TRIM33: variants seen among roughly 807,000 people sequenced by gnomAD.
The protein encoded by TRIM33 is E3 ubiquitin-protein ligase TRIM33.
TRIM33 carries 20 observed loss-of-function variants against 125.4 expected under a neutral mutation model. That is an observed-to-expected ratio of 0.16 (90% CI 0.11 to 0.23). The LOEUF (loss-of-function observed/expected upper bound fraction) is 0.23. Among genes scored for constraint, TRIM33 ranks in the 10% least tolerant of loss-of-function variants. The probability of loss-of-function intolerance (pLI) is 1.00; values close to 1 mark genes in which losing one functional copy is unlikely to be tolerated. For synonymous variants in TRIM33, 564 were observed against 513.9 expected (o/e 1.10, Z -1.32); for missense variants, 920 against 1,411.4 (o/e 0.65, Z 5.58).
At chr1:114,485,267 T>C (rs1004212876) in intron 1 of TRIM33, among the ~76,000 whole-genome samples, 7 of 151,452 alleles carry the variant, frequency 4.6e-5, no homozygotes, top group African/African-American at 1.2e-4. Context: ...GCGACTTTAA[T>C]TGAAGCCCCC....
At chr1:114,423,493 TTTAAAC>T (rs1446311343) in intron 10 of TRIM33, among the ~76,000 whole-genome samples, 1 of 152,098 alleles carries the variant, frequency 6.6e-6, no homozygotes. Flanking sequence ...TTTGAAACTA[TTTAAAC>T]TTAAACCTAT....
At chr1:114,494,097 A>G (rs543230995) in intron 1 of TRIM33, among the ~76,000 whole-genome samples, 1 of 151,490 alleles carries the variant, frequency 6.6e-6, no homozygotes, top group African/African-American at 2.4e-5. Context: ...TGTTGGGATT[A>G]TAAGTGTGAG....
At chr1:114,504,552 T>C (rs1421967640) in intron 1 of TRIM33, among the ~76,000 whole-genome samples, 1 of 152,192 alleles carries the variant, frequency 6.6e-6, no homozygotes, top group African/African-American at 2.4e-5. Context: ...AGTGTAATTA[T>C]GAAAATAGTT....
chr1:114,452,199 C>T (rs1649351811), intron 4 of TRIM33, among the ~76,000 whole-genome samples: 1 of 152,150 alleles, frequency 6.6e-6, no homozygotes. Flanking sequence ...ACAGGCTGGG[C>T]ATGGTGGCTC....
chr1:114,401,519 T>C (rs1477541998), intron 16 of TRIM33, 56 bp from the exon 17 acceptor site: 4 of 1,457,258 alleles, frequency 2.7e-6, no homozygotes, highest in Non-Finnish European at 3.8e-6. Context: ...AATAAAACAT[T>C]CTCGAGAATG....
At chr1:114,409,004 C>T (rs1296483952) in intron 12 of TRIM33, among the ~76,000 whole-genome samples, 1 of 152,134 alleles carries the variant, frequency 6.6e-6, no homozygotes, top group Admixed American at 6.6e-5. Context: ...TATCTGCCAT[C>T]CCTCAACAAG....
chr1:114,451,787 A>G (rs941697950), intron 4 of TRIM33, among the ~76,000 whole-genome samples: 3 of 152,232 alleles, frequency 2.0e-5, no homozygotes, highest in African/African-American at 7.2e-5. Context: ...AGTTGGCAGT[A>G]TATTTCACTT....
chr1:114,405,611 C>T lies in TRIM33; in HGVS notation c.2567G>A (p.Ser856Asn), dbSNP rs1652183121. The T allele has an allele frequency of 1.2e-6, 2 of 1,614,198 alleles. No homozygotes were observed. The highest frequency in any genetic ancestry group is 2.7e-5 in the African/African-American group (2 of 75,052). Residue 856 changes from serine (S) to asparagine (N), a missense_variant, in exon 15 of 20, where the codon AGC (serine) becomes AAC (asparagine). Around this residue, in one of 8 missense-constraint regions of TRIM33, gnomAD observed 407 missense variants for 589.7 expected, o/e 0.69. Transcript: ENST00000358465. Reference protein sequence around the residue: ...NESCKQSGLSSLVNGKSPIRS... With the variant: ...NESCKQSGLSNLVNGKSPIRS... ...AATTGGGGACTTTCCATTAACAAGG[C>T]TGCTGAGCCCTGACTGTTTGCAGCT...
intron 1 of TRIM33, among the ~76,000 whole-genome samples, chr1:114,482,666 C>T (rs1320232555): frequency 1.3e-5 from 2 of 152,164 alleles, no homozygotes; most frequent in South Asian, 2.1e-4. Flanking sequence ...AGGAGGGCCC[C>T]GGTGGGAGGT....
chr1:114,432,871 G>A (rs1405267853), intron 5 of TRIM33, among the ~76,000 whole-genome samples: 1 of 151,844 alleles, frequency 6.6e-6, no homozygotes, highest in Non-Finnish European at 1.5e-5. Flanking sequence ...CATCTACTAT[G>A]TGTCATTTTA....
At chr1:114,496,628 AAATAT>A (rs1328528835) in intron 1 of TRIM33, among the ~76,000 whole-genome samples, 1 of 152,372 alleles carries the variant, frequency 6.6e-6, no homozygotes, top group Non-Finnish European at 1.5e-5. Context: ...TACAAATTCA[AAATAT>A]AATAATTGAG....
chr1:114,403,495 C>G (rs1652036714), intron 15 of TRIM33, among the ~76,000 whole-genome samples: 1 of 151,924 alleles, frequency 6.6e-6, no homozygotes, highest in African/African-American at 2.4e-5. Context: ...CTCAGCCTCC[C>G]TAGGAGCTGG....
intron 4 of TRIM33, among the ~76,000 whole-genome samples, chr1:114,434,226 A>C (rs1197810914): frequency 6.6e-6 from 1 of 152,156 alleles, no homozygotes; most frequent in African/African-American, 2.4e-5. Flanking sequence ...GGCTGGTCTC[A>C]AACTCTTGGT....
chr1:114,470,053 G>T (rs1000081587), intron 1 of TRIM33, among the ~76,000 whole-genome samples: 4 of 152,146 alleles, frequency 2.6e-5, no homozygotes, highest in Admixed American at 2.6e-4. Context: ...CCACATATGT[G>T]CACATACAAT....
intron 1 of TRIM33, among the ~76,000 whole-genome samples, chr1:114,480,223 G>A (rs1458886305): frequency 2.0e-5 from 3 of 152,060 alleles, no homozygotes; most frequent in African/African-American, 7.2e-5. Context: ...TCCACTCAGG[G>A]TTAAATGGAT....
At position 114,395,710 on chromosome 1, in the gene TRIM33, A is replaced by C. The variant is rs1651507519; in HGVS notation, c.*1938T>G. 5.2e-6 allele frequency: 1 copy of C among 191,804 alleles called. No individual in the cohort carries two copies. Among genetic ancestry groups the C allele is most frequent in the African/African-American group, 2.3e-5 (1 of 43,088 alleles). The allele number at this position is 191,804 out of a possible 1,614,324, so 11.9% of individuals were successfully genotyped here. The stretch of plus-strand genomic sequence containing the variant: ...ATTTTTAGGAATTTAAAATTTGAGT[A>C]AAATGTTTCAACAGTTTGGTATATT... On this transcript the variant is annotated 3_prime_UTR_variant, in exon 20 of 20. Transcript: ENST00000358465.
chr1:114,430,395 C>T (rs1169950806), intron 6 of TRIM33, among the ~76,000 whole-genome samples: 1 of 152,102 alleles, frequency 6.6e-6, no homozygotes, highest in African/African-American at 2.4e-5. Context: ...CTGGTGCATG[C>T]CACCACCCTG....
chr1:114,493,839 C>G (rs1652212516), intron 1 of TRIM33, among the ~76,000 whole-genome samples: 1 of 152,074 alleles, frequency 6.6e-6, no homozygotes, highest in Admixed American at 6.6e-5. Context: ...TCTGGCTTTT[C>G]TTTTTTGAGA....
Position 114,422,083 on chromosome 1 carries a change from T to G in TRIM33, c.1861-447A>C, listed in dbSNP as rs964422667. Among the ~76,000 whole-genome samples, 2 of 152,196 alleles carry G rather than the reference T, an allele frequency of 1.3e-5. 1 individual carries two copies. The highest frequency in any genetic ancestry group is 1.3e-4 in the Admixed American group (2 of 15,264). On this transcript the variant is annotated intron_variant, in intron 10 of 19. Transcript: ENST00000358465. ...GAAAAATGGCAGCAAGTCCTGACTC[T>G]AATACTGTGTGACCTTAGACAAATC...
Sources: gnomAD v4.1 joint callset for allele counts (sites outside exome capture counted in the v4.1 genomes callset) on GRCh38, gnomAD v4.1.1 for gene constraint, gnomAD v4.1.1 regional missense constraint, MANE v1.5 for transcripts, NCBI Gene and HGNC (gene_info 2026-07-23, HGNC 2026-07-21) for gene names.